DNAH11: variants seen among roughly 807,000 people sequenced by gnomAD.
The protein encoded by DNAH11 is axonemal beta dynein heavy chain 11.
A neutral mutation model predicts 526.0 loss-of-function variants in DNAH11; 442 were observed. The ratio of observed to expected loss-of-function variants is 0.84; its 90% confidence interval spans 0.78 to 0.91. The LOEUF is 0.91. DNAH11 is among the 40% of genes least tolerant of loss of function. DNAH11 has a pLI of 0.00. For synonymous variants in DNAH11, 2,461 were observed against 1,935.9 expected (o/e 1.27, Z -7.12); for missense variants, 6,989 against 5,448.7 (o/e 1.28, Z -8.90).
chr7:21,735,544 CTG>C (rs1403623220), intron 45 of DNAH11, 94 bp from the exon 46 acceptor site: 26 of 982,458 alleles, frequency 2.6e-5, no homozygotes, highest in African/African-American at 4.9e-5. Context: ...TATAAAGTGA[CTG>C]TGTTGAGTTT....
At chr7:21,807,261 G>A (rs1164686353) in intron 62 of DNAH11, among the ~76,000 whole-genome samples, 2 of 152,178 alleles carry the variant, frequency 1.3e-5, no homozygotes, top group Non-Finnish European at 1.5e-5. Context: ...CACTTTAGAA[G>A]GCCAAGGCAG....
In DNAH11 at chr7:21,854,337, A is replaced by G. The variant is rs1017383663; in HGVS notation, c.11084A>G (p.Glu3695Gly). ...TAGGTGATTGAAGCCAAAGAAAATG[A>G]AAGAAAAATCAACGAGGCCCGAGAA... The part of the protein sequence containing the change: ...EHKVIEAKEN[E>G]RKINEARECY... Residue 3695 changes from glutamate to glycine, a missense_variant, in exon 68 of 82, where the codon GAA becomes GGA. By Grantham distance (98) the Glu-to-Gly change is moderately conservative (BLOSUM62 -2). Transcript: ENST00000409508. 6.2e-7 allele frequency: 1 copy of G among 1,613,838 alleles called. No individual in the cohort carries two copies. Among genetic ancestry groups the G allele is most frequent in the Non-Finnish European group, 8.5e-7 (1 of 1,179,832 alleles).
At chr7:21,634,974 A>G (rs1159841229) in intron 25 of DNAH11, among the ~76,000 whole-genome samples, 3 of 152,224 alleles carry the variant, frequency 2.0e-5, no homozygotes, top group Non-Finnish European at 4.4e-5. Context: ...AACATGAGAA[A>G]CAAAAACCAC....
chr7:21,796,668 G>C (rs1387875559), intron 61 of DNAH11, among the ~76,000 whole-genome samples: 3 of 152,190 alleles, frequency 2.0e-5, no homozygotes, highest in Non-Finnish European at 2.9e-5. Context: ...CAGTGCATCT[G>C]AGCATAGGCT....
chr7:21,895,792 C>G (rs62445897), intron 79 of DNAH11, among the ~76,000 whole-genome samples: 2 of 152,068 alleles, frequency 1.3e-5, no homozygotes, highest in African/African-American at 4.8e-5. Context: ...TGCAGTGGCG[C>G]GATCTCGGCT....
intron 25 of DNAH11, among the ~76,000 whole-genome samples, chr7:21,630,440 G>C (rs747943614): frequency 7.2e-5 from 11 of 152,124 alleles, no homozygotes; most frequent in South Asian, 6.2e-4. Context: ...ATTGTTTAAT[G>C]TCAGTGTTTT....
At chr7:21,689,035 A>G (rs1157800926) in intron 34 of DNAH11, among the ~76,000 whole-genome samples, 6 of 152,196 alleles carry the variant, frequency 3.9e-5, no homozygotes, top group Non-Finnish European at 8.8e-5. Flanking sequence ...TTTCCAGGTT[A>G]TCAGGAGATA....
intron 20 of DNAH11, among the ~76,000 whole-genome samples, chr7:21,612,334 T>C (rs1406208935): frequency 6.6e-6 from 1 of 151,910 alleles, no homozygotes; most frequent in African/African-American, 2.4e-5. Context: ...GGTGGGCAGA[T>C]CACAAGGTCA....
chr7:21,764,173 A>G (rs1352552625), intron 54 of DNAH11, among the ~76,000 whole-genome samples: 1 of 152,202 alleles, frequency 6.6e-6, no homozygotes, highest in East Asian at 1.9e-4. Flanking sequence ...GTAAGAGGGT[A>G]GATCTCATGT....
chr7:21,886,727 C>A (rs961193038), intron 76 of DNAH11, among the ~76,000 whole-genome samples: 4 of 152,162 alleles, frequency 2.6e-5, no homozygotes, highest in African/African-American at 9.7e-5. Context: ...AGTCCATTAA[C>A]CTTCACAAGC....
At chr7:21,780,869 C>T (rs993788508) in intron 57 of DNAH11, among the ~76,000 whole-genome samples, 2 of 152,128 alleles carry the variant, frequency 1.3e-5, no homozygotes, top group African/African-American at 4.8e-5. Flanking sequence ...GCAGGGGTCT[C>T]TCATGTAGAT....
chr7:21,743,471 G>A (rs763207996), intron 49 of DNAH11, among the ~76,000 whole-genome samples: 11 of 152,162 alleles, frequency 7.2e-5, no homozygotes, highest in Non-Finnish European at 1.5e-4. Flanking sequence ...ACCCTGTACA[G>A]TAAAAATGGA....
intron 23 of DNAH11, chr7:21,618,442 T>G (rs1785883390): frequency 6.6e-6 from 1 of 152,548 alleles, no homozygotes; most frequent in Non-Finnish European, 1.5e-5. Flanking sequence ...CTGGCTCAAC[T>G]CTTCACTTAC....
intron 36 of DNAH11, among the ~76,000 whole-genome samples, chr7:21,701,971 A>T (rs1784081256): frequency 6.6e-6 from 1 of 152,108 alleles, no homozygotes. Context: ...GTTCGTTAGG[A>T]ATACCTTTAC....
At position 21,579,388 on chromosome 7, in the gene DNAH11, C is replaced by T. The variant is rs964519645; in HGVS notation, c.1594-2517C>T. On this transcript the variant is annotated intron_variant, in intron 8 of 81. Coordinates refer to ENST00000409508, the MANE Select transcript of DNAH11 (RefSeq NM_001277115.2). ...GGCAGTTACACTCAGAGATTAAAAT[C>T]CAAGGGAGAATGTAGACAGGCAGTT... Among the ~76,000 whole-genome samples the T allele has an allele frequency of 3.7e-4, 56 of 152,052 alleles. 1 individual carries two copies. Among genetic ancestry groups the T allele is most frequent in the Admixed American group, 3.5e-3 (53 of 15,250 alleles).
In DNAH11 at chr7:21,591,322, A is replaced by G. The variant is rs564401238; in HGVS notation, c.2412A>G (p.Thr804=). 61 of 1,613,976 alleles carry G rather than the reference A, an allele frequency of 3.8e-5. 1 individual carries two copies. The East Asian group carries it at 4.5e-4, about 12-fold the overall frequency. ...TGACAGCAGCCACAACGTGGCTGAC[A>G]TGGCAGGATGACTGCTGGGGCTACA... ...EQLTAATTWL[T]WQDDCWGYIE... is the part of the protein sequence containing the mutation. The change falls in exon 14 of 82, where the codon ACA becomes ACG. Residue 804 remains threonine, a synonymous_variant. Transcript: ENST00000409508.
intron 2 of DNAH11, among the ~76,000 whole-genome samples, chr7:21,546,339 T>G (rs1782804715): frequency 6.6e-6 from 1 of 152,142 alleles, no homozygotes; most frequent in African/African-American, 2.4e-5. Context: ...TTCAGGGAGG[T>G]GCTAGGAAGA....
chr7:21,807,419 A>C (rs1789312974), intron 62 of DNAH11, among the ~76,000 whole-genome samples: 1 of 152,212 alleles, frequency 6.6e-6, no homozygotes, highest in Admixed American at 6.5e-5. Flanking sequence ...AGATGGCTTA[A>C]GCCCAGGAGG....
chr7:21,810,559 A>G (rs576134142), intron 63 of DNAH11, among the ~76,000 whole-genome samples: 1 of 152,288 alleles, frequency 6.6e-6, no homozygotes, highest in Admixed American at 6.5e-5. Context: ...TAAAAATATC[A>G]AAAATACCTG....
Sources: gnomAD v4.1 joint callset for allele counts (sites outside exome capture counted in the v4.1 genomes callset) on GRCh38, gnomAD v4.1.1 for gene constraint, MANE v1.5 for transcripts, NCBI Gene and HGNC (gene_info 2026-07-23, HGNC 2026-07-21) for gene names.